Variants in BCAN observed in about 807,000 individuals in gnomAD.
The protein encoded by BCAN is brevican, also known as brevican core protein.
Under a neutral mutation model 92.4 loss-of-function variants are expected in BCAN, and 51 were observed. That is an observed-to-expected ratio of 0.55 (90% CI 0.44 to 0.70). The LOEUF (loss-of-function observed/expected upper bound fraction) is 0.70. BCAN is among the 30% of genes least tolerant of loss of function. BCAN has a pLI of 0.00. For missense variants in BCAN, 1,140 were observed against 1,212.1 expected (o/e 0.94, Z 0.88); for synonymous variants, 501 against 505.2 (o/e 0.99, Z 0.11).
In BCAN at chr1:156,647,169, G is replaced by A. The variant is rs188278354; in HGVS notation, c.460G>A (p.Val154Ile). Reference protein sequence around the residue: ...DDSSDAVEVKVKGVVFLYREG... With the variant: ...DDSSDAVEVKIKGVVFLYREG... Reference sequence around the variant, plus strand: ...CAGCAGCGACGCTGTGGAGGTCAAGGTCAAAGGTGAGAGGGCAGGGAGGTT... The same window carrying A: ...CAGCAGCGACGCTGTGGAGGTCAAGATCAAAGGTGAGAGGGCAGGGAGGTT... The change falls in exon 3 of 14, where the codon GTC (valine) becomes ATC (isoleucine). Residue 154 changes from valine (V) to isoleucine (I), a missense_variant. Coordinates refer to ENST00000329117, the MANE Select transcript of BCAN (RefSeq NM_021948.5). This position sits in a 1 kb window ranked among gnomAD's most constrained non-coding sequence, Gnocchi z 4.8. 1 of 1,275,046 alleles carries A rather than the reference G, an allele frequency of 7.8e-7. No homozygotes were observed. The highest frequency in any genetic ancestry group is 1.0e-6 in the Non-Finnish European group (1 of 960,684). The allele number at this position is 1,275,046 out of a possible 1,614,324, so 79.0% of individuals were successfully genotyped here.
chr1:156,658,688 C>A lies in BCAN; in HGVS notation c.2583C>A (p.Asn861Lys). 6.2e-7 allele frequency: 1 copy of A among 1,614,136 alleles called. No individual in the cohort carries two copies. The highest frequency in any genetic ancestry group is 8.5e-7 in the Non-Finnish European group (1 of 1,180,044). The change falls in exon 13 of 14, where the codon AAC becomes AAA. Residue 861 changes from asparagine (N) to lysine (K), a missense_variant. Coordinates refer to ENST00000329117, the MANE Select transcript of BCAN (RefSeq NM_021948.5). The surrounding 1 kb of genome is among the most constrained non-coding windows in gnomAD (Gnocchi z 4.4). Reference sequence around the variant, plus strand: ...TGCCGCTGATCCGATGCCAAGAGAACGGTCGTTGGGAGGCCCCCCAGATCT... The same window carrying A: ...TGCCGCTGATCCGATGCCAAGAGAAAGGTCGTTGGGAGGCCCCCCAGATCT... ...RNLPLIRCQENGRWEAPQISC... is the reference protein window; with the variant it reads ...RNLPLIRCQEKGRWEAPQISC...
In BCAN at chr1:156,658,636, G is replaced by T. The variant is rs750305959; in HGVS notation, c.2531G>T (p.Cys844Phe). 7 of 1,614,186 alleles carry T rather than the reference G, an allele frequency of 4.3e-6. No homozygotes were observed. The highest frequency in any genetic ancestry group is 5.9e-6 in the Non-Finnish European group (7 of 1,180,052). Reference sequence around the variant, plus strand: ...GTGGACACTGTGCTTCGCTACCGGTGCCGGGAAGGACTGGCCCAGCGCAAT... The same window carrying T: ...GTGGACACTGTGCTTCGCTACCGGTTCCGGGAAGGACTGGCCCAGCGCAAT... ...YEVDTVLRYRCREGLAQRNLP... is the reference protein window; with the variant it reads ...YEVDTVLRYRFREGLAQRNLP... The change falls in exon 13 of 14, where the codon TGC becomes TTC. Residue 844 changes from cysteine (C) to phenylalanine (F), a missense_variant. Cys to Phe is a radical substitution (Grantham distance 205, BLOSUM62 -2). Transcript: ENST00000329117. The surrounding 1 kb of genome is among the most constrained non-coding windows in gnomAD (Gnocchi z 4.4).
chr1:156,655,051 T>G (rs1679287588), intron 8 of BCAN, among the ~76,000 whole-genome samples: 1 of 152,218 alleles, frequency 6.6e-6, no homozygotes. Flanking sequence ...TGGCCATGGC[T>G]TCTAGAGGTG....
At chr1:156,656,463 G>A (rs1679332659) in intron 9 of BCAN, 74 bp downstream of exon 9, 1 of 1,174,542 alleles carries the variant, frequency 8.5e-7, no homozygotes, top group Non-Finnish European at 1.1e-6. Context: ...GAGGGGGGAG[G>A]GAGAACATTG....
At position 156,651,561 on chromosome 1, in the gene BCAN, T is replaced by A. The variant is rs752440615; in HGVS notation, c.1169T>A (p.Leu390Gln). 2.5e-6 allele frequency: 4 copies of A among 1,613,856 alleles called. No homozygotes were observed. Among genetic ancestry groups the A allele is most frequent in the Non-Finnish European group, 1.7e-6 (2 of 1,180,004 alleles). ...IVTVTETLEE[L>Q]QLPQEATESE... The stretch of plus-strand genomic sequence containing the variant: ...ACAGTGACAGAGACCCTGGAGGAAC[T>A]GCAGCTGCCTCAGGAAGCCACAGAG... Residue 390 changes from leucine to glutamine, a missense_variant, in exon 7 of 14, where the codon CTG becomes CAG. This residue lies in a region of BCAN where 825 missense variants were observed against 871.8 expected (regional missense o/e 0.95). Transcript: ENST00000329117.
rs915213811 is a variant in BCAN, at chr1:156,646,671, C to CCCCTGGT, written c.92-127_92-121dup. On this transcript the variant is annotated intron_variant, in intron 2 of 13. Transcript: ENST00000329117. Reference sequence around the variant, plus strand: ...CAGGACCCTGGCCCCTGGCCCCTGGCCCCTGGTCCTAGGGGGGCCGGGGAA... The same window carrying CCCCTGGT: ...CAGGACCCTGGCCCCTGGCCCCTGGCCCCTGGTCCCTGGTCCTAGGGGGGCCGGGGAA... 7.4e-6 allele frequency: 9 copies of CCCCTGGT among 1,214,114 alleles called. No homozygotes were observed. The African/African-American group carries it at 1.1e-4, about 15-fold the overall frequency. The allele number at this position is 1,214,114 out of a possible 1,614,324, so 75.2% of individuals were successfully genotyped here. A position where few individuals can be genotyped will look rare whatever the true frequency, so the allele number is the denominator to read the frequency against.
chr1:156,659,127 G>C lies in BCAN; in HGVS notation c.2729G>C (p.Gly910Ala). The part of the protein sequence containing the change: ...LLIPPSSPMP[G>A]P ...ATCCCCCCTTCCAGCCCCATGCCAG[G>C]TCCCTAGGGGGCAAGGCCTTGAACA... Residue 910 changes from glycine to alanine, a missense_variant, in exon 14 of 14, where the codon GGT (glycine) becomes GCT (alanine). Physicochemically the swap from Gly to Ala is moderately conservative, Grantham distance 60 (BLOSUM62 0). Coordinates refer to ENST00000329117, the MANE Select transcript of BCAN (RefSeq NM_021948.5). The C allele has an allele frequency of 6.4e-7, 1 of 1,573,536 alleles. No individual in the cohort carries two copies. The highest frequency in any genetic ancestry group is 8.6e-7 in the Non-Finnish European group (1 of 1,160,948).
chr1:156,657,402 C>T, intron 10 of BCAN: 1 of 551,918 alleles, frequency 1.8e-6, no homozygotes. Context: ...CGTCGGCCTC[C>T]TCCAACTCCA....
rs769390629 is a variant in BCAN, at chr1:156,652,862, C to A, written c.1912C>A (p.Arg638=). 2 of 1,613,826 alleles carry A rather than the reference C, an allele frequency of 1.2e-6. No homozygotes were observed. Among genetic ancestry groups the A allele is most frequent in the Non-Finnish European group, 1.7e-6 (2 of 1,179,996 alleles). The stretch of plus-strand genomic sequence containing the variant: ...AGTGCTGCCCACTGACAGCGCCAGC[C>A]GAGGTGGAGTGGCCGTGGTCCCCGC... ...QPVLPTDSAS[R]GGVAVVPASG... Residue 638 remains arginine (R), a synonymous_variant, in exon 8 of 14, where the codon CGA becomes AGA. Coordinates refer to ENST00000329117, the MANE Select transcript of BCAN (RefSeq NM_021948.5).
chr1:156,653,583 C>T, intron 8 of BCAN: 1 of 965,198 alleles, frequency 1.0e-6, no homozygotes, highest in Non-Finnish European at 1.2e-6. Context: ...CTCTCCCTGT[C>T]TCTGTGTGTG....
In BCAN at chr1:156,642,818, G is replaced by C. The variant is rs942242673; in HGVS notation, c.-9+543G>C. On this transcript the variant is annotated intron_variant, in intron 1 of 13. Transcript: ENST00000329117. This position sits in a 1 kb window ranked among gnomAD's most constrained non-coding sequence, Gnocchi z 4.2. ...CTCTGTGACCTTGGGGTAGTTAGTT[G>C]ACTTCTCTGAACCTCGGGTTCCTCA... is the stretch of plus-strand genomic sequence containing the variant. 1 of 152,264 alleles carries C rather than the reference G, an allele frequency of 6.6e-6. No individual in the cohort carries two copies. Among genetic ancestry groups the C allele is most frequent in the African/African-American group, 2.4e-5 (1 of 41,450 alleles). The allele number at this position is 152,264 out of a possible 1,614,324, so 9.4% of individuals were successfully genotyped here. A position where few individuals can be genotyped will look rare whatever the true frequency, so the allele number is the denominator to read the frequency against.
intron 6 of BCAN, among the ~76,000 whole-genome samples, chr1:156,650,604 C>G (rs1211446577): frequency 6.6e-6 from 1 of 152,126 alleles, no homozygotes; most frequent in East Asian, 1.9e-4. Context: ...GTTATTCCTG[C>G]ACTCTGCCCT....
intron 6 of BCAN, among the ~76,000 whole-genome samples, chr1:156,649,404 G>A (rs1011409682): frequency 9.2e-5 from 14 of 152,140 alleles, no homozygotes; most frequent in Admixed American, 8.5e-4. Context: ...CACATCTTAT[G>A]GCTTGTTTCT....
rs199920797 is a variant in BCAN at position 156,658,597 on chromosome 1, G to A, written c.2492G>A (p.Arg831Gln). ...LPLAQVFGRP[R>Q]LRYEVDTVLR... ...CTGGCTCAAGTGTTCGGCCGCCCAC[G>A]GCTGCGCTATGAGGTGGACACTGTG... Residue 831 changes from arginine to glutamine, a missense_variant, in exon 13 of 14, where the codon CGG (arginine) becomes CAG (glutamine). Arg to Gln is a conservative substitution (Grantham distance 43). Transcript: ENST00000329117. This position sits in a 1 kb window ranked among gnomAD's most constrained non-coding sequence, Gnocchi z 4.4. The A allele has an allele frequency of 3.1e-6, 5 of 1,614,060 alleles. No individual in the cohort carries two copies. The highest frequency in any genetic ancestry group is 2.7e-5 in the African/African-American group (2 of 75,070).
intron 1 of BCAN, chr1:156,643,839 C>T (rs745485286): frequency 2.0e-5 from 3 of 152,370 alleles, no homozygotes; most frequent in South Asian, 2.1e-4. Flanking sequence ...GATGTTGTGG[C>T]GTCAAGGGAA....
intron 7 of BCAN, 136 bp downstream of exon 7, chr1:156,651,825 G>A (rs1241455459): frequency 3.8e-6 from 3 of 793,144 alleles, no homozygotes; most frequent in African/African-American, 1.7e-5. Flanking sequence ...GGGGTGCAGG[G>A]CACCTTTCCT....
At position 156,646,792 on chromosome 1, in the gene BCAN, C is replaced by T. The variant is rs768251639; in HGVS notation, c.92-9C>T. On this transcript the variant is annotated splice_polypyrimidine_tract_variant and intron_variant, in intron 2 of 13. Coordinates refer to ENST00000329117, the MANE Select transcript of BCAN (RefSeq NM_021948.5). ...GCGTTAAGTTCCAGCCGGCTCCACC[C>T]GTTCACAGAGGACCGCGCTTTTCGC... The T allele has an allele frequency of 1.9e-6, 3 of 1,540,918 alleles. No homozygotes were observed. The highest frequency in any genetic ancestry group is 2.6e-6 in the Non-Finnish European group (3 of 1,142,918).
At chr1:156,655,776 A>G (rs1277739558) in intron 8 of BCAN, among the ~76,000 whole-genome samples, 1 of 152,096 alleles carries the variant, frequency 6.6e-6, no homozygotes, top group Non-Finnish European at 1.5e-5. Context: ...TGCTGCGGTA[A>G]TCCTTCTGTC....
intron 6 of BCAN, chr1:156,649,992 A>G: frequency 1.9e-6 from 1 of 516,310 alleles, no homozygotes; most frequent in Non-Finnish European, 3.9e-6. Flanking sequence ...TCCCAGGATG[A>G]GGAGAGACTG....
Sources: gnomAD v4.1 joint callset for allele counts (sites outside exome capture counted in the v4.1 genomes callset) on GRCh38, gnomAD v4.1.1 for gene constraint, gnomAD v4.1.1 regional missense constraint, Gnocchi (gnomAD v3.1) non-coding constraint, MANE v1.5 for transcripts, NCBI Gene and HGNC (gene_info 2026-07-23, HGNC 2026-07-21) for gene names.